Variants in ARMC2 observed in about 807,000 individuals in gnomAD.
ARMC2 encodes armadillo repeat containing 2, also known as armadillo repeat-containing protein 2.
ARMC2 carries 67 observed loss-of-function variants against 90.3 expected under a neutral mutation model. The ratio of observed to expected loss-of-function variants is 0.74; its 90% CI spans 0.61 to 0.91. The LOEUF (loss-of-function observed/expected upper bound fraction) is 0.91, where lower values mean the gene tolerates loss of function less well. ARMC2 is among the 40% of genes least tolerant of loss of function. ARMC2 has a pLI of 0.00. For missense variants in ARMC2, 920 were observed against 1,030.9 expected (o/e 0.89, Z 1.47); for synonymous variants, 393 against 393.0 (o/e 1.00, Z 0.00).
At chr6:108,911,368 G>A (rs1773406445) in intron 9 of ARMC2, among the ~76,000 whole-genome samples, 1 of 152,092 alleles carries the variant, frequency 6.6e-6, no homozygotes, top group South Asian at 2.1e-4. Flanking sequence ...AAAGTTGAAA[G>A]ACATCTATAA....
chr6:108,898,939 T>A lies in ARMC2; in HGVS notation c.749-755T>A, dbSNP rs537234942. The stretch of plus-strand genomic sequence containing the variant: ...CAGGCATGAGATACTGCAGGGGTGA[T>A]AACATGTTTGTATACTTGTTTAATC... On this transcript the variant is annotated intron_variant, in intron 6 of 17. Transcript: ENST00000392644. Among the ~76,000 whole-genome samples the A allele has an allele frequency of 5.9e-5, 9 of 152,330 alleles. No individual in the cohort carries two copies. In the South Asian group the frequency reaches 1.9e-3, roughly 32 times the overall value.
rs1416433057 is a variant in ARMC2 at position 108,967,746 on chromosome 6, GTGGT to G, written c.2446+2613_2446+2616del. ...TGTTGTTGTTTCAAATATTCTGTCT[GTGGT>G]TGGTTGAACCTGTGGATACGTGGCC... On this transcript the variant is annotated intron_variant, in intron 17 of 17. Coordinates refer to ENST00000392644, the MANE Select transcript of ARMC2 (RefSeq NM_032131.6). Among the ~76,000 whole-genome samples, 7 of 152,154 alleles carry G rather than the reference GTGGT, an allele frequency of 4.6e-5. No homozygotes were observed. The East Asian group carries it at 1.3e-3, about 29-fold the overall frequency.
the ARMC2 span, among the ~76,000 whole-genome samples, chr6:109,035,159 C>A: frequency 6.6e-6 from 1 of 152,082 alleles, no homozygotes; most frequent in Non-Finnish European, 1.5e-5. Flanking sequence ...TTACCCCCAA[C>A]CACTCTAGGG....
chr6:109,023,691 A>G, the ARMC2 span, among the ~76,000 whole-genome samples: 4 of 152,218 alleles, frequency 2.6e-5, no homozygotes, highest in African/African-American at 9.7e-5. Context: ...ATTATGTTAC[A>G]GGCTTTGCAC....
At chr6:108,956,734 G>A (rs1411628170) in intron 13 of ARMC2, among the ~76,000 whole-genome samples, 1 of 151,822 alleles carries the variant, frequency 6.6e-6, no homozygotes, top group Non-Finnish European at 1.5e-5. Flanking sequence ...GCTCACACCT[G>A]TCATCCCAGC....
intron 13 of ARMC2, 111 bp from the exon 14 acceptor site, chr6:108,961,461 G>C: frequency 1.6e-6 from 2 of 1,230,276 alleles, no homozygotes; most frequent in East Asian, 4.9e-5. Context: ...CCTTTGTAGG[G>C]ACCCTGCGTG....
chr6:109,051,557 C>T, the ARMC2 span, among the ~76,000 whole-genome samples: 3,810 of 152,182 alleles, frequency 0.025, 64 homozygotes, highest in Middle Eastern at 0.068. Flanking sequence ...GTATGAAAAA[C>T]ACTTAAAAGC....
chr6:108,873,280 G>T (rs1776606826), intron 4 of ARMC2, among the ~76,000 whole-genome samples: 1 of 151,990 alleles, frequency 6.6e-6, no homozygotes, highest in South Asian at 2.1e-4. Flanking sequence ...TTCTTAGTTT[G>T]CAGGCTATAC....
chr6:109,001,163 G>A, the ARMC2 span: 2 of 822,800 alleles, frequency 2.4e-6, no homozygotes, highest in African/African-American at 1.7e-5. Flanking sequence ...AACAGAGACT[G>A]TGCAACAGGA....
intron 6 of ARMC2, among the ~76,000 whole-genome samples, chr6:108,896,026 T>G (rs894857026): frequency 6.6e-6 from 1 of 152,254 alleles, no homozygotes; most frequent in Non-Finnish European, 1.5e-5. Context: ...AATAGTAGAT[T>G]TTAAAAATTC....
At chr6:108,940,171 C>T (rs1055308122) in intron 12 of ARMC2, among the ~76,000 whole-genome samples, 1 of 152,156 alleles carries the variant, frequency 6.6e-6, no homozygotes, top group African/African-American at 2.4e-5. Context: ...GAGGCTGAGG[C>T]AGGAGAATCG....
At chr6:108,908,004 C>T in intron 8 of ARMC2, 2 of 859,056 alleles carry the variant, frequency 2.3e-6, no homozygotes, top group African/African-American at 1.7e-5. Flanking sequence ...TATTTTCCTC[C>T]TGGGAACAGA....
intron 2 of ARMC2, among the ~76,000 whole-genome samples, chr6:108,856,922 T>C (rs1774686432): frequency 6.6e-6 from 1 of 152,234 alleles, no homozygotes; most frequent in African/African-American, 2.4e-5. Flanking sequence ...GTTCCATTGA[T>C]CTGTTTGTCT....
At chr6:109,026,257 C>T in the ARMC2 span, among the ~76,000 whole-genome samples, 2 of 152,126 alleles carry the variant, frequency 1.3e-5, no homozygotes, top group African/African-American at 4.8e-5. Flanking sequence ...ACCAACAGAT[C>T]CTCAACTGAA....
At chr6:108,967,303 C>T (rs1385087804) in intron 17 of ARMC2, among the ~76,000 whole-genome samples, 4 of 152,150 alleles carry the variant, frequency 2.6e-5, no homozygotes, top group East Asian at 1.9e-4. Context: ...CAGCAGCTAC[C>T]GGGTGACAGG....
At chr6:109,029,348 GAT>G in the ARMC2 span, among the ~76,000 whole-genome samples, 1 of 152,188 alleles carries the variant, frequency 6.6e-6, no homozygotes, top group Non-Finnish European at 1.5e-5. Flanking sequence ...AAATGCACTT[GAT>G]TTATGGCAAT....
chr6:108,900,120 C>G (rs1251152689), intron 7 of ARMC2, among the ~76,000 whole-genome samples: 1 of 152,160 alleles, frequency 6.6e-6, no homozygotes, highest in Admixed American at 6.5e-5. Context: ...TCTTCATACT[C>G]AAGAAAGTAA....
At chr6:109,034,665 G>A in the ARMC2 span, among the ~76,000 whole-genome samples, 63 of 152,348 alleles carry the variant, frequency 4.1e-4, 2 homozygotes, top group Middle Eastern at 0.01. Context: ...TGGCCAGTGA[G>A]ATACAAAAGG....
chr6:108,964,773 G>A (rs566157289), intron 16 of ARMC2, among the ~76,000 whole-genome samples: 6 of 151,686 alleles, frequency 4.0e-5, no homozygotes, highest in African/African-American at 1.5e-4. Context: ...CTGGGCAACA[G>A]AGTGAGACTC....
Sources: gnomAD v4.1 joint callset for allele counts (sites outside exome capture counted in the v4.1 genomes callset) on GRCh38, gnomAD v4.1.1 for gene constraint, MANE v1.5 for transcripts, NCBI Gene and HGNC (gene_info 2026-07-23, HGNC 2026-07-21) for gene names.